The following USP15 variants were observed in gnomAD, a reference collection of about 807,000 sequenced individuals.
USP15 encodes the protein ubiquitin carboxyl-terminal hydrolase 15.
A neutral mutation model predicts 127.1 loss-of-function variants in USP15; 18 were observed. The observed-to-expected ratio is 0.14, with a 90% CI of 0.10 to 0.21. The LOEUF is 0.21. Among genes scored for constraint, USP15 ranks in the 10% least tolerant of loss-of-function variants. The pLI, the probability that USP15 is intolerant of heterozygous loss-of-function variation, is 1.00. For missense variants in USP15, 805 were observed against 1,159.9 expected (o/e 0.69, Z 4.44); for synonymous variants, 364 against 393.7 (o/e 0.92, Z 0.89).
rs1334077358 is a variant in USP15, at chr12:62,335,657, C to T, written c.683+9724C>T. 4.1e-6 allele frequency: 4 copies of T among 987,160 alleles called. No homozygotes were observed. The African/African-American group carries it at 7.0e-5, about 17-fold the overall frequency. 61.2% of individuals were successfully genotyped at this position (987,160 alleles called of 1,614,324 possible). On this transcript the variant is annotated intron_variant, in intron 6 of 21. Transcript: ENST00000280377. ...CCTCAGCCTATGAATATAAACACAT[C>T]TTCATCTTTAAAACCAAAAACCATA... is the stretch of plus-strand genomic sequence containing the variant.
intron 6 of USP15, among the ~76,000 whole-genome samples, chr12:62,328,564 A>G (rs2065198829): frequency 6.6e-6 from 1 of 152,246 alleles, no homozygotes; most frequent in South Asian, 2.1e-4. Context: ...AGTTTATTAG[A>G]AAATAAAAGA....
At chr12:62,327,707 G>A (rs1565858399) in intron 6 of USP15, 1 of 428,954 alleles carries the variant, frequency 2.3e-6, no homozygotes, top group Non-Finnish European at 4.6e-6. Flanking sequence ...ACTTGGCTTT[G>A]TGTGAAAGAA....
chr12:62,377,564 A>G (rs1322066688), intron 8 of USP15, among the ~76,000 whole-genome samples: 2 of 151,930 alleles, frequency 1.3e-5, no homozygotes, highest in African/African-American at 4.8e-5. Context: ...CACTAAAAAT[A>G]CAAAAATTAG....
chr12:62,302,963 ATTAGT>A (rs765368115), intron 3 of USP15, 43 bp downstream of exon 3: 131 of 1,562,370 alleles, frequency 8.4e-5, no homozygotes, highest in Non-Finnish European at 1.1e-4. Context: ...ATTTTTCTTG[ATTAGT>A]TCACATTTTA....
intron 20 of USP15, among the ~76,000 whole-genome samples, chr12:62,397,661 A>G (rs951219075): frequency 1.3e-4 from 19 of 151,776 alleles, no homozygotes; most frequent in Admixed American, 1.2e-3. Flanking sequence ...GATCAAGACC[A>G]TCCTGGCCAA....
intron 6 of USP15, among the ~76,000 whole-genome samples, chr12:62,326,261 A>T (rs746389169): frequency 6.6e-6 from 1 of 152,214 alleles, no homozygotes. Flanking sequence ...AAGTATCTTA[A>T]AATATTTCTT....
At chr12:62,260,709 GC>G (rs2137007343) in intron 1 of USP15, among the ~76,000 whole-genome samples, 2 of 152,312 alleles carry the variant, frequency 1.3e-5, no homozygotes, top group Non-Finnish European at 2.9e-5. Context: ...GCCAGGGCAT[GC>G]TGAAAGGTAT....
Position 62,415,058 on chromosome 12 carries a change from G to A in USP15, c.*10683G>A, listed in dbSNP as rs2068125494. The A allele has an allele frequency of 6.6e-6, 1 of 151,576 alleles. No homozygotes were observed. Among genetic ancestry groups the A allele is most frequent in the African/African-American group, 2.4e-5 (1 of 41,214 alleles). The allele number at this position is 151,576 out of a possible 1,614,324, so 9.4% of individuals were successfully genotyped here. On this transcript the variant is annotated 3_prime_UTR_variant, in exon 22 of 22. Transcript: ENST00000280377. ...TATAAGGAATTAGTTCATGCACTTA[G>A]GCTGAGAAGTCTCATGATCTTCAGT...
intron 21 of USP15, among the ~76,000 whole-genome samples, chr12:62,403,045 T>C (rs916714778): frequency 6.6e-6 from 1 of 152,108 alleles, no homozygotes; most frequent in African/African-American, 2.4e-5. Flanking sequence ...TGACTTTTAC[T>C]TCACCATTCA....
At chr12:62,273,125 C>G (rs1362591201) in intron 1 of USP15, among the ~76,000 whole-genome samples, 3 of 151,694 alleles carry the variant, frequency 2.0e-5, no homozygotes, top group East Asian at 1.9e-4. Flanking sequence ...CTTCAACACT[C>G]AAAATTCCCA....
chr12:62,393,233 G>T, intron 19 of USP15, 31 bp downstream of exon 19: 2 of 1,587,320 alleles, frequency 1.3e-6, no homozygotes, highest in Non-Finnish European at 1.7e-6. Context: ...ATAAGCATTG[G>T]GCAACTCTTC....
intron 19 of USP15, among the ~76,000 whole-genome samples, chr12:62,395,560 C>A (rs1349243908): frequency 1.3e-5 from 2 of 151,648 alleles, no homozygotes; most frequent in African/African-American, 2.4e-5. Flanking sequence ...ACTATAGTCA[C>A]CCTGTTGTGT....
rs551032466 is a variant in USP15 at position 62,260,432 on chromosome 12, G to A, written c.18G>A (p.Ala6=). The A allele has an allele frequency of 1.3e-6, 2 of 1,551,634 alleles. No homozygotes were observed. The highest frequency in any genetic ancestry group is 2.4e-5 in the South Asian group (2 of 84,056). MAEGG[A]ADLDTQRSDI... ...GGAAGAAGATGGCGGAAGGCGGAGC[G>A]GCGGATCTGGACACCCAGCGGTCTG... The change falls in exon 1 of 22, where the codon GCG becomes GCA. Residue 6 remains alanine, a synonymous_variant. Coordinates refer to ENST00000280377, the MANE Select transcript of USP15 (RefSeq NM_001252078.2).
intron 8 of USP15, among the ~76,000 whole-genome samples, chr12:62,361,860 G>A (rs1233114330): frequency 6.6e-6 from 1 of 151,996 alleles, no homozygotes; most frequent in Admixed American, 6.6e-5. Flanking sequence ...GCAGGGGAGA[G>A]GGTCAGTGAG....
intron 6 of USP15, among the ~76,000 whole-genome samples, chr12:62,331,002 A>G (rs749536770): frequency 3.9e-5 from 6 of 151,986 alleles, no homozygotes; most frequent in African/African-American, 1.4e-4. Context: ...ATTTAACTCC[A>G]GCACAGAACA....
At chr12:62,270,024 C>T (rs1437610350) in intron 1 of USP15, among the ~76,000 whole-genome samples, 1 of 152,034 alleles carries the variant, frequency 6.6e-6, no homozygotes, top group Non-Finnish European at 1.5e-5. Context: ...CCAGTTTTTT[C>T]ACCTCGTCAG....
At position 62,324,636 on chromosome 12, in the gene USP15, A is replaced by G. The variant is rs563371802; in HGVS notation, c.622-1236A>G. On this transcript the variant is annotated intron_variant, in intron 5 of 21. Coordinates refer to ENST00000280377, the MANE Select transcript of USP15 (RefSeq NM_001252078.2). ...AGAGGAAGGTGATCAGGAAGGGATC[A>G]GTATATTAGGTACATGGTACATTTA... Among the ~76,000 whole-genome samples the G allele has an allele frequency of 7.2e-5, 11 of 152,166 alleles. No individual in the cohort carries two copies. The South Asian group carries it at 1.9e-3, about 26-fold the overall frequency.
In USP15 at chr12:62,286,661, G is replaced by T. The variant is rs1038417112; in HGVS notation, c.90-7518G>T. On this transcript the variant is annotated intron_variant, in intron 1 of 21. Coordinates refer to ENST00000280377, the MANE Select transcript of USP15 (RefSeq NM_001252078.2). ...ATAAAGAAAATGTGATACATGGCCGGGCGTGGTGGCTCATGCCTGTAATCC... is the reference window on the plus strand; with the variant it reads ...ATAAAGAAAATGTGATACATGGCCGTGCGTGGTGGCTCATGCCTGTAATCC... Among the ~76,000 whole-genome samples the T allele has an allele frequency of 2.6e-5, 4 of 152,260 alleles. No homozygotes were observed. The East Asian group carries it at 7.7e-4, about 29-fold the overall frequency.
At chr12:62,341,911 T>A (rs930266537) in intron 6 of USP15, among the ~76,000 whole-genome samples, 4 of 152,152 alleles carry the variant, frequency 2.6e-5, no homozygotes, top group African/African-American at 9.7e-5. Flanking sequence ...ATTTCCTGAA[T>A]GGGAATGTTG....
Sources: gnomAD v4.1 joint callset for allele counts (sites outside exome capture counted in the v4.1 genomes callset) on GRCh38, gnomAD v4.1.1 for gene constraint, MANE v1.5 for transcripts, NCBI Gene and HGNC (gene_info 2026-07-23, HGNC 2026-07-21) for gene names.